Variants in HDGFL2 observed in about 807,000 individuals in gnomAD.
HDGFL2 encodes the protein HDGF like 2.
Under a neutral mutation model 77.1 loss-of-function variants are expected in HDGFL2, and 36 were observed. The observed-to-expected ratio is 0.47, with a 90% confidence interval of 0.36 to 0.62. The LOEUF (loss-of-function observed/expected upper bound fraction) is 0.62, where lower values mean the gene tolerates loss of function less well. Among genes scored for constraint, HDGFL2 ranks in the 20% least tolerant of loss-of-function variants. The pLI is 0.00. For synonymous variants in HDGFL2, 463 were observed against 413.1 expected, an observed-to-expected ratio of 1.12 and a Z score of -1.46; for missense variants, 976 against 973.4, an observed-to-expected ratio of 1.00 and a Z score of -0.04.
intron 9 of HDGFL2, 34 bp from the exon 10 acceptor site, chr19:4,496,268 C>T: frequency 6.4e-7 from 1 of 1,573,218 alleles, no homozygotes; most frequent in Non-Finnish European, 8.8e-7. Context: ...CCCCTCTTCC[C>T]ACTGCTCCAG....
chr19:4,501,353 G>C (rs759969712), intron 15 of HDGFL2, 36 bp downstream of exon 15: 9 of 1,552,858 alleles, frequency 5.8e-6, no homozygotes, highest in Non-Finnish European at 7.0e-6. Context: ...GGACTCCTGA[G>C]CGGCAGCGGT....
chr19:4,493,982 C>T lies in HDGFL2; in HGVS notation c.839C>T (p.Ala280Val), dbSNP rs150536528. ...VKKPPRGRKP[A>V]EKPLPKPRGR... ...TCACCCCCTCCTCCTCTTCCTGTAG[C>T]GGAGAAGCCTCTCCCGAAGCCGCGA... Residue 280 changes from alanine to valine, a missense_variant and splice_region_variant, in exon 8 of 16, where the codon GCG (alanine) becomes GTG (valine). Physicochemically the swap from Ala to Val is moderately conservative, Grantham distance 64. Coordinates refer to ENST00000616600, the MANE Select transcript of HDGFL2 (RefSeq NM_001001520.3). The T allele has an allele frequency of 5.8e-3, 9,285 of 1,607,380 alleles. 36 individuals carry two copies. The highest frequency in any genetic ancestry group is 6.9e-3 in the Non-Finnish European group (8,157 of 1,177,530).
In HDGFL2 at chr19:4,494,354, GCAGCAGCGGGGA is replaced by G. The variant is rs1300944985; in HGVS notation, c.1105_1116del (p.Ser369_Asp372del). The G allele has an allele frequency of 7.8e-6, 11 of 1,406,706 alleles. No homozygotes were observed. The highest frequency in any genetic ancestry group is 1.5e-5 in the African/African-American group (1 of 65,486). The allele number at this position is 1,406,706 out of a possible 1,614,324, so 87.1% of individuals were successfully genotyped here. On this transcript the variant is annotated inframe_deletion, in exon 9 of 16. Transcript: ENST00000616600. ...GGGGAGGCTGAGCGGGGCAGCGGCG[GCAGCAGCGGGGA>G]CGAGCTCAGGGAGGACGATGAGCCC...
Position 4,494,322 on chromosome 19 carries a change from C to T in HDGFL2, c.1071C>T (p.Ala357=), listed in dbSNP as rs1568214734. 4 of 1,421,440 alleles carry T rather than the reference C, an allele frequency of 2.8e-6. No homozygotes were observed. The highest frequency in any genetic ancestry group is 1.5e-5 in the South Asian group (1 of 65,498). The allele number at this position is 1,421,440 out of a possible 1,614,324, so 88.1% of individuals were successfully genotyped here. ...KEEKERRRER[A]DRGEAERGSG... ...AGAAGGAGCGGAGGCGCGAGCGGGC[C>T]GACCGCGGGGAGGCTGAGCGGGGCA... Residue 357 remains alanine (A), a synonymous_variant, in exon 9 of 16, where the codon GCC becomes GCT. Transcript: ENST00000616600.
intron 10 of HDGFL2, chr19:4,497,418 C>CT: frequency 3.3e-6 from 1 of 304,364 alleles, no homozygotes; most frequent in South Asian, 2.6e-5. Flanking sequence ...AGGATGGTCT[C>CT]TATCTCCTAA....
intron 10 of HDGFL2, 50 bp from the exon 11 acceptor site, chr19:4,497,908 T>C (rs760753967): frequency 1.2e-5 from 18 of 1,494,210 alleles, no homozygotes; most frequent in Non-Finnish European, 1.6e-5. Context: ...AGCCCCTCAG[T>C]GGCAGAGTGC....
chr19:4,491,926 T>G, intron 6 of HDGFL2, 91 bp downstream of exon 6: 9 of 1,158,726 alleles, frequency 7.8e-6, no homozygotes, highest in Non-Finnish European at 1.1e-5. Context: ...GGGCCATTTC[T>G]GGAGGGGGTG....
chr19:4,495,945 CCTT>C (rs1296866935), intron 9 of HDGFL2, among the ~76,000 whole-genome samples: 1 of 152,156 alleles, frequency 6.6e-6, no homozygotes, highest in Admixed American at 6.5e-5. Flanking sequence ...GCCAGGCCTG[CCTT>C]CTTTGGGGAA....
intron 15 of HDGFL2, 59 bp from the exon 16 acceptor site, chr19:4,501,852 C>G (rs952562907): frequency 1.8e-5 from 24 of 1,306,200 alleles, no homozygotes; most frequent in Non-Finnish European, 2.3e-5. Context: ...ACCCAACCGC[C>G]CTACAGGCAG....
rs192110191 is a variant in HDGFL2 at position 4,472,852 on chromosome 19, C to T, written c.72+430C>T. Among the ~76,000 whole-genome samples the T allele has an allele frequency of 4.9e-3, 726 of 148,586 alleles. 11 individuals carry two copies. Among genetic ancestry groups the T allele is most frequent in the African/African-American group, 0.017 (694 of 40,268 alleles). Reference sequence around the variant, plus strand: ...GTCCTCGGCCTCAGGGAGCTGCGTCCTGGGGTTCTGGGGGTGTCCAAGCCC... The same window carrying T: ...GTCCTCGGCCTCAGGGAGCTGCGTCTTGGGGTTCTGGGGGTGTCCAAGCCC... On this transcript the variant is annotated intron_variant, in intron 1 of 15. Coordinates refer to ENST00000616600, the MANE Select transcript of HDGFL2 (RefSeq NM_001001520.3).
intron 1 of HDGFL2, among the ~76,000 whole-genome samples, chr19:4,473,467 G>A (rs758384831): frequency 6.6e-6 from 1 of 151,934 alleles, no homozygotes; most frequent in African/African-American, 2.4e-5. Context: ...GGGGATCCCA[G>A]GCCTGAGGGC....
chr19:4,494,218 C>CGGAGGCGCGAGCT lies in HDGFL2; in HGVS notation c.974_986dup (p.Arg331AlafsTer37). On this transcript the variant is annotated frameshift_variant, in exon 9 of 16. Transcript: ENST00000616600. LOFTEE classifies it high-confidence loss of function. ...TGAGTGGAAGCGGCGGGACGAGGCG[C>CGGAGGCGCGAGCT]GGAGGCGCGAGCTGGAGGCCCGGCG... 6.8e-7 allele frequency: 1 copy of CGGAGGCGCGAGCT among 1,465,998 alleles called. No homozygotes were observed. The highest frequency in any genetic ancestry group is 1.4e-5 in the South Asian group (1 of 72,056). 90.8% of individuals were successfully genotyped at this position (1,465,998 alleles called of 1,614,324 possible).
chr19:4,496,304 C>T lies in HDGFL2; in HGVS notation c.1227C>T (p.Ala409=), dbSNP rs1364112492. 3.7e-6 allele frequency: 6 copies of T among 1,613,882 alleles called. No individual in the cohort carries two copies. In the East Asian group the frequency reaches 1.3e-4, roughly 36 times the overall value. Reference sequence around the variant, plus strand: ...CGCGCCCTTCCTGACTGCTATAGGCCAAGAAATCAGCGAAGAAGCCGCAGT... The same window carrying T: ...CGCGCCCTTCCTGACTGCTATAGGCTAAGAAATCAGCGAAGAAGCCGCAGT... The part of the protein sequence containing the change: ...SEPEAELERE[A]KKSAKKPQSS... Residue 409 remains alanine, a splice_region_variant and synonymous_variant, in exon 10 of 16, where the codon GCC becomes GCT. Coordinates refer to ENST00000616600, the MANE Select transcript of HDGFL2 (RefSeq NM_001001520.3).
At position 4,493,873 on chromosome 19, in the gene HDGFL2, C is replaced by G; in HGVS notation, c.838+11C>G. The G allele has an allele frequency of 1.3e-6, 2 of 1,502,738 alleles. No homozygotes were observed. The highest frequency in any genetic ancestry group is 1.8e-6 in the Non-Finnish European group (2 of 1,118,526). The allele number at this position is 1,502,738 out of a possible 1,614,324, so 93.1% of individuals were successfully genotyped here. A position where few individuals can be genotyped will look rare whatever the true frequency, so the allele number is the denominator to read the frequency against. On this transcript the variant is annotated intron_variant, in intron 7 of 15. Transcript: ENST00000616600. ...GGGGCAGGAAGCCAGGTAGGGCCCT[C>G]GTGCTCGCACATCTCTTGGCCTGGC...
At chr19:4,488,585 C>A in intron 3 of HDGFL2, 91 bp from the exon 4 acceptor site, 2 of 1,139,898 alleles carry the variant, frequency 1.8e-6, no homozygotes, top group South Asian at 2.9e-5. Context: ...CAGGATCCCG[C>A]ATGTGGTTGC....
At chr19:4,501,075 GGCATGT>G in intron 14 of HDGFL2, 110 bp from the exon 15 acceptor site, 4 of 1,279,850 alleles carry the variant, frequency 3.1e-6, no homozygotes, top group Non-Finnish European at 3.3e-6. Flanking sequence ...CAGGTGGATG[GGCATGT>G]GTCACCCACG....
intron 3 of HDGFL2, among the ~76,000 whole-genome samples, chr19:4,477,526 C>T (rs1975103465): frequency 6.6e-6 from 1 of 152,202 alleles, no homozygotes; most frequent in Non-Finnish European, 1.5e-5. Context: ...GTAGCTGTTT[C>T]AGGAGATCTT....
At chr19:4,501,400 G>T in intron 15 of HDGFL2, 83 bp downstream of exon 15, 1 of 1,473,870 alleles carries the variant, frequency 6.8e-7, no homozygotes, top group African/African-American at 1.4e-5. Flanking sequence ...CTCCTCCTGT[G>T]CCAGTCCCTC....
intron 1 of HDGFL2, among the ~76,000 whole-genome samples, chr19:4,472,718 G>T (rs1201578244): frequency 6.6e-6 from 1 of 151,396 alleles, no homozygotes; most frequent in Admixed American, 6.6e-5. Context: ...CCGCCCTCGG[G>T]GCCTGGGGGT....
Sources: allele counts gnomAD v4.1 joint callset (sites outside exome capture counted in the v4.1 genomes callset), GRCh38; gene constraint gnomAD v4.1.1; transcripts MANE v1.5; gene names NCBI Gene and HGNC (gene_info 2026-07-23, HGNC 2026-07-21).